PRKCH: variants seen among roughly 807,000 people sequenced by gnomAD.
PRKCH encodes protein kinase C eta, also known as protein kinase C eta type.
PRKCH carries 28 observed loss-of-function variants against 82.5 expected under a neutral mutation model. The ratio of observed to expected loss-of-function variants is 0.34; its 90% CI spans 0.25 to 0.47. PRKCH has a LOEUF of 0.47. Among genes scored for constraint, PRKCH ranks in the 20% least tolerant of loss-of-function variants. The pLI is 1.00. For synonymous variants in PRKCH, 322 were observed against 327.4 expected, an observed-to-expected ratio of 0.98 and a Z score of 0.18; for missense variants, 705 against 881.8, an observed-to-expected ratio of 0.80 and a Z score of 2.54.
chr14:61,353,196 G>A (rs1043196707), intron 1 of PRKCH, among the ~76,000 whole-genome samples: 1 of 152,146 alleles, frequency 6.6e-6, no homozygotes, highest in African/African-American at 2.4e-5. Flanking sequence ...GGAAAATGAA[G>A]CATCGAGCAC....
chr14:61,188,740 A>T (rs12434489), intron 1 of PRKCH, among the ~76,000 whole-genome samples: 13,309 of 75,790 alleles, frequency 0.18, 3,089 homozygotes, highest in Admixed American at 0.28. Flanking sequence ...TGTGTGTGTG[A>T]TGGAGTTTTG....
intron 10 of PRKCH, among the ~76,000 whole-genome samples, chr14:61,523,929 G>A (rs996611815): frequency 2.0e-5 from 3 of 152,254 alleles, no homozygotes; most frequent in African/African-American, 7.2e-5. Context: ...TAGCGAGGGA[G>A]CATGTTTGGA....
intron 9 of PRKCH, among the ~76,000 whole-genome samples, chr14:61,479,205 T>C (rs771672478): frequency 2.6e-5 from 4 of 152,172 alleles, no homozygotes; most frequent in Non-Finnish European, 5.9e-5. Flanking sequence ...CACTCTCTTA[T>C]ACCCAGGCAT....
chr14:61,539,515 C>T lies in PRKCH; in HGVS notation c.1762-8228C>T, dbSNP rs74054825. ...CTGATGCTGGTCAGTTACAACCTGC[C>T]AGGTAAGGCACTGACCCACCGGCAT... On this transcript the variant is annotated intron_variant, in intron 12 of 13. Coordinates refer to ENST00000332981, the MANE Select transcript of PRKCH (RefSeq NM_006255.5). 6.6e-3 allele frequency among the ~76,000 whole-genome samples: 1,002 copies of T among 152,236 alleles called. 7 individuals are homozygous for T. The highest frequency in any genetic ancestry group is 0.023 in the African/African-American group (963 of 41,534).
chr14:61,429,570 G>A (rs193217066), intron 2 of PRKCH, among the ~76,000 whole-genome samples: 89 of 152,292 alleles, frequency 5.8e-4, no homozygotes, highest in African/African-American at 2.0e-3. Context: ...ATCCTAGAAT[G>A]TGTGTCTTGT....
chr14:61,239,383 G>A (rs2140064953), intron 1 of PRKCH, among the ~76,000 whole-genome samples: 1 of 152,284 alleles, frequency 6.6e-6, no homozygotes, highest in South Asian at 2.1e-4. Context: ...GGGTGCAGGT[G>A]GGCTGAGGCC....
chr14:61,250,884 C>T (rs1437227626), intron 1 of PRKCH, among the ~76,000 whole-genome samples: 1 of 151,852 alleles, frequency 6.6e-6, no homozygotes, highest in Non-Finnish European at 1.5e-5. Flanking sequence ...AAACCTAAAA[C>T]TTCTCTAAAA....
At chr14:61,380,458 G>A (rs2046488878) in intron 1 of PRKCH, among the ~76,000 whole-genome samples, 1 of 152,042 alleles carries the variant, frequency 6.6e-6, no homozygotes, top group South Asian at 2.1e-4. Context: ...TCCTCTCCTG[G>A]TTTCCAGAGA....
At chr14:61,286,553 G>A (rs2045315343) in intron 1 of PRKCH, among the ~76,000 whole-genome samples, 1 of 152,086 alleles carries the variant, frequency 6.6e-6, no homozygotes, top group East Asian at 1.9e-4. Flanking sequence ...GAGGCGGGTG[G>A]ATCACCTGAG....
chr14:61,548,385 A>C (rs371275348), intron 13 of PRKCH, among the ~76,000 whole-genome samples: 28 of 152,348 alleles, frequency 1.8e-4, no homozygotes, highest in African/African-American at 6.7e-4. Context: ...AGGCCAGGCC[A>C]GGCTTCTTTG....
chr14:61,382,144 G>A (rs750014464), intron 1 of PRKCH, among the ~76,000 whole-genome samples: 4 of 152,160 alleles, frequency 2.6e-5, no homozygotes, highest in Non-Finnish European at 5.9e-5. Context: ...TAGAAACACA[G>A]CCTCAGCCAG....
intron 2 of PRKCH, among the ~76,000 whole-genome samples, chr14:61,417,658 T>C (rs1882631230): frequency 6.6e-6 from 1 of 152,196 alleles, no homozygotes; most frequent in South Asian, 2.1e-4. Context: ...TGGTGCATTG[T>C]AGATTTATGG....
rs549033964 is a variant in PRKCH, at chr14:61,515,370, A to G, written c.1434-13705A>G. On this transcript the variant is annotated intron_variant, in intron 10 of 13. Transcript: ENST00000332981. Reference sequence around the variant, plus strand: ...TCAGTGACTTCCCTTATCCTCGTTCAACTTATTCTACCTAGCAGAACCAGT... The same window carrying G: ...TCAGTGACTTCCCTTATCCTCGTTCGACTTATTCTACCTAGCAGAACCAGT... Among the ~76,000 whole-genome samples, 13 of 152,324 alleles carry G rather than the reference A, an allele frequency of 8.5e-5. No individual in the cohort carries two copies. In the South Asian group the frequency reaches 2.7e-3, roughly 32 times the overall value.
rs367783358 is a variant in PRKCH, at chr14:61,240,987, G to T, written c.-19+53319G>T. Among the ~76,000 whole-genome samples, 78 of 151,988 alleles carry T rather than the reference G, an allele frequency of 5.1e-4. 1 individual carries two copies. The South Asian group carries it at 0.015, about 29-fold the overall frequency. ...CAATTCTGACACTATGTACCTGGAGGTACCATCAGATCCCACAGGTTGAGA... is the reference window on the plus strand; with the variant it reads ...CAATTCTGACACTATGTACCTGGAGTTACCATCAGATCCCACAGGTTGAGA... On this transcript the variant is annotated intron_variant, in intron 1 of 3. Coordinates refer to the PRKCH transcript ENST00000555185.
chr14:61,241,514 C>T (rs935396304), intron 1 of PRKCH, among the ~76,000 whole-genome samples: 2 of 152,320 alleles, frequency 1.3e-5, no homozygotes, highest in African/African-American at 4.8e-5. Context: ...CTGGAGACTT[C>T]CAACCATCAG....
rs1360578025 is a variant in PRKCH, at chr14:61,457,650, A to G, written c.1249A>G (p.Thr417Ala). The change falls in exon 9 of 14, where the codon ACT becomes GCT. Residue 417 changes from threonine (T) to alanine (A), a missense_variant. Physicochemically the swap from Thr to Ala is moderately conservative, Grantham distance 58. Around this residue, in one of 5 missense-constraint regions of PRKCH, gnomAD observed 238 missense variants for 258.1 expected, o/e 0.92. Transcript: ENST00000332981. ...LSLARNHPFLTQLFCCFQTPD... is the reference protein window; with the variant it reads ...LSLARNHPFLAQLFCCFQTPD... ...TCTGGCCCGCAATCACCCCTTCCTC[A>G]CTCAGTTGTTCTGCTGCTTTCAGAC... 1.2e-6 allele frequency: 2 copies of G among 1,613,876 alleles called. No individual in the cohort carries two copies. The highest frequency in any genetic ancestry group is 1.1e-5 in the South Asian group (1 of 91,060).
At chr14:61,212,940 A>C (rs1482370381) in intron 1 of PRKCH, among the ~76,000 whole-genome samples, 1 of 152,178 alleles carries the variant, frequency 6.6e-6, no homozygotes, top group Non-Finnish European at 1.5e-5. Flanking sequence ...TGGGCCATAA[A>C]ATATCCTTAC....
chr14:61,245,263 C>T (rs2044869856), intron 1 of PRKCH, among the ~76,000 whole-genome samples: 1 of 152,166 alleles, frequency 6.6e-6, no homozygotes, highest in South Asian at 2.1e-4. Context: ...AAAAGAAGAG[C>T]CCCAGCAGAT....
At chr14:61,395,299 C>CCCCT in intron 2 of PRKCH, among the ~76,000 whole-genome samples, 1 of 147,718 alleles carries the variant, frequency 6.8e-6, no homozygotes, top group South Asian at 2.3e-4. Flanking sequence ...AGCCCCCCCC[C>CCCCT]GCATTTGCCT....
Sources: allele counts gnomAD v4.1 joint callset (sites outside exome capture counted in the v4.1 genomes callset), GRCh38; gene constraint gnomAD v4.1.1; regional missense constraint gnomAD v4.1.1; transcripts MANE v1.5; gene names NCBI Gene and HGNC (gene_info 2026-07-23, HGNC 2026-07-21).